GRM8: variants seen among roughly 807,000 people sequenced by gnomAD.
The protein encoded by GRM8 is metabotropic glutamate receptor 8.
A neutral mutation model predicts 87.2 loss-of-function variants in GRM8; 47 were observed. The ratio of observed to expected loss-of-function variants is 0.54; its 90% CI spans 0.43 to 0.69. The LOEUF is 0.69. Ranked by LOEUF, GRM8 falls within the 30% of genes least tolerant of loss-of-function variation. The pLI is 0.00. For missense variants in GRM8, 1,019 were observed against 1,139.2 expected, an observed-to-expected ratio of 0.89 and a Z score of 1.52; for synonymous variants, 396 against 404.5, an observed-to-expected ratio of 0.98 and a Z score of 0.25.
At chr7:126,839,830 G>A (rs1796113821) in intron 6 of GRM8, among the ~76,000 whole-genome samples, 1 of 152,152 alleles carries the variant, frequency 6.6e-6, no homozygotes, top group African/African-American at 2.4e-5. Context: ...GGGAGCTCAA[G>A]AGTGCTTAAT....
At chr7:126,723,514 A>G (rs1276388446) in intron 7 of GRM8, among the ~76,000 whole-genome samples, 1 of 151,718 alleles carries the variant, frequency 6.6e-6, no homozygotes, top group African/African-American at 2.4e-5. Flanking sequence ...AATCAGAACA[A>G]TGGCTCAAGA....
intron 3 of GRM8, among the ~76,000 whole-genome samples, chr7:126,926,912 T>C (rs1490713551): frequency 6.6e-6 from 1 of 152,236 alleles, no homozygotes; most frequent in Non-Finnish European, 1.5e-5. Flanking sequence ...ACTGTGTTTG[T>C]CTAGTTCCAC....
intron 3 of GRM8, among the ~76,000 whole-genome samples, chr7:126,946,347 A>G (rs970696829): frequency 2.6e-5 from 4 of 152,154 alleles, no homozygotes; most frequent in Admixed American, 6.5e-5. Flanking sequence ...TCTACAAAAT[A>G]TTACAAATGT....
At chr7:126,726,621 T>C (rs2151470359) in intron 7 of GRM8, among the ~76,000 whole-genome samples, 1 of 152,252 alleles carries the variant, frequency 6.6e-6, no homozygotes, top group Non-Finnish European at 1.5e-5. Flanking sequence ...CAGAATCTGA[T>C]GGCCCTTTTC....
intron 6 of GRM8, among the ~76,000 whole-genome samples, chr7:126,848,489 T>G (rs1483987899): frequency 1.3e-5 from 2 of 152,150 alleles, no homozygotes; most frequent in African/African-American, 4.8e-5. Flanking sequence ...TAGTTTTACC[T>G]TGTGTCTTTT....
At chr7:126,723,434 A>T (rs2151461312) in intron 7 of GRM8, among the ~76,000 whole-genome samples, 1 of 152,226 alleles carries the variant, frequency 6.6e-6, no homozygotes, top group East Asian at 1.9e-4. Flanking sequence ...CCGCAAACTG[A>T]TCTGGAATAA....
intron 7 of GRM8, among the ~76,000 whole-genome samples, chr7:126,753,342 A>T (rs1816639432): frequency 6.6e-6 from 1 of 151,858 alleles, no homozygotes; most frequent in Admixed American, 6.6e-5. Flanking sequence ...TCTACTACAC[A>T]GGACAATTAG....
intron 1 of GRM8, among the ~76,000 whole-genome samples, chr7:127,250,282 C>G (rs1272547562): frequency 1.3e-5 from 2 of 152,240 alleles, no homozygotes; most frequent in African/African-American, 4.8e-5. Context: ...CTCACTGGAG[C>G]TCAGCTCTTC....
chr7:126,513,623 G>T (rs2150755430), intron 9 of GRM8, among the ~76,000 whole-genome samples: 2 of 152,208 alleles, frequency 1.3e-5, no homozygotes, highest in East Asian at 3.9e-4. Context: ...TTATCATCAT[G>T]TTGACACAGC....
At position 126,551,407 on chromosome 7, in the gene GRM8, G is replaced by T. The variant is rs1341151252; in HGVS notation, c.1495-17520C>A. On this transcript the variant is annotated intron_variant, in intron 8 of 10. Transcript: ENST00000339582. ...TGATAGTTCCCCTATGACTGCCCAT[G>T]GTTTTATCCTTAATATTTTTTGACT... Among the ~76,000 whole-genome samples, 6 of 152,058 alleles carry T rather than the reference G, an allele frequency of 3.9e-5. No homozygotes were observed. The East Asian group carries it at 9.6e-4, about 24-fold the overall frequency.
At chr7:126,905,420 A>G (rs1802576072) in intron 3 of GRM8, among the ~76,000 whole-genome samples, 1 of 152,194 alleles carries the variant, frequency 6.6e-6, no homozygotes, top group South Asian at 2.1e-4. Context: ...GGGTAGGAGG[A>G]GAAGAAAGAG....
At chr7:127,161,106 C>T (rs1793084264) in intron 2 of GRM8, among the ~76,000 whole-genome samples, 1 of 152,082 alleles carries the variant, frequency 6.6e-6, no homozygotes, top group South Asian at 2.1e-4. Flanking sequence ...AAAATTTTTA[C>T]TTACAACAAA....
At chr7:126,858,583 A>C (rs1033496201) in intron 6 of GRM8, among the ~76,000 whole-genome samples, 25 of 152,322 alleles carry the variant, frequency 1.6e-4, no homozygotes, top group African/African-American at 5.3e-4. Context: ...GTCACCAAAC[A>C]ACCAATTTCC....
chr7:126,582,899 C>T (rs1585120236), intron 8 of GRM8, among the ~76,000 whole-genome samples: 2 of 152,096 alleles, frequency 1.3e-5, no homozygotes, highest in East Asian at 3.9e-4. Flanking sequence ...AAAAAGATTC[C>T]CTTTAAAATA....
chr7:126,961,581 C>T (rs1438026268), intron 3 of GRM8, among the ~76,000 whole-genome samples: 1 of 152,146 alleles, frequency 6.6e-6, no homozygotes, highest in African/African-American at 2.4e-5. Flanking sequence ...CTTAAGTGGC[C>T]TGCTGCTGGC....
intron 3 of GRM8, among the ~76,000 whole-genome samples, chr7:127,088,232 T>TTGG (rs1002948203): frequency 6.6e-6 from 1 of 152,014 alleles, no homozygotes; most frequent in African/African-American, 2.4e-5. Flanking sequence ...CTGGACTCAA[T>TTGG]TGGTGGTGGT....
chr7:126,981,714 C>A (rs1327729982), intron 3 of GRM8: 4 of 152,282 alleles, frequency 2.6e-5, no homozygotes, highest in African/African-American at 9.6e-5. Flanking sequence ...AACCATAGCA[C>A]CCTCTTAGAG....
At chr7:126,884,755 A>G (rs903673324) in intron 6 of GRM8, among the ~76,000 whole-genome samples, 1 of 152,196 alleles carries the variant, frequency 6.6e-6, no homozygotes, top group African/African-American at 2.4e-5. Flanking sequence ...ATAAGCAAAA[A>G]GATATGCTCC....
At chr7:126,875,293 A>G (rs928282245) in intron 6 of GRM8, among the ~76,000 whole-genome samples, 9 of 152,050 alleles carry the variant, frequency 5.9e-5, no homozygotes, top group Admixed American at 6.6e-5. Flanking sequence ...AAAAAAAACA[A>G]ACAGAATAAA....
Sources: allele counts gnomAD v4.1 joint callset (sites outside exome capture counted in the v4.1 genomes callset), GRCh38; gene constraint gnomAD v4.1.1; transcripts MANE v1.5; gene names NCBI Gene and HGNC (gene_info 2026-07-23, HGNC 2026-07-21).